The following GOLIM4 variants were observed in gnomAD, a reference collection of about 807,000 sequenced individuals.
GOLIM4 encodes golgi integral membrane protein 4.
A neutral mutation model predicts 107.4 loss-of-function variants in GOLIM4; 71 were observed. That is an observed-to-expected ratio of 0.66 (90% CI 0.55 to 0.81). The LOEUF is 0.81. Ranked by LOEUF, GOLIM4 falls within the 30% of genes least tolerant of loss-of-function variation. GOLIM4 has a pLI of 0.00. For missense variants in GOLIM4, 830 were observed against 826.1 expected (o/e 1.00, Z -0.06); for synonymous variants, 327 against 294.8 (o/e 1.11, Z -1.12).
chr3:168,048,392 T>A, intron 1 of GOLIM4, 27 bp from the exon 2 acceptor site: 1 of 1,103,782 alleles, frequency 9.1e-7, no homozygotes, highest in Middle Eastern at 2.2e-4. Context: ...CATTTTTGTC[T>A]TCAAAGAATT....
chr3:168,019,788 G>A (rs1011842725), intron 14 of GOLIM4, among the ~76,000 whole-genome samples: 1 of 152,106 alleles, frequency 6.6e-6, no homozygotes, highest in Non-Finnish European at 1.5e-5. Flanking sequence ...ACATCAGGAG[G>A]CACACACATT....
chr3:168,042,434 C>G (rs112557699), intron 5 of GOLIM4, among the ~76,000 whole-genome samples: 2 of 152,282 alleles, frequency 1.3e-5, no homozygotes, highest in East Asian at 1.9e-4. Flanking sequence ...GCATGTGCCA[C>G]GATGCCCGGC....
chr3:168,088,737 T>C (rs1258902323), intron 1 of GOLIM4, among the ~76,000 whole-genome samples: 1 of 152,246 alleles, frequency 6.6e-6, no homozygotes, highest in Non-Finnish European at 1.5e-5. Flanking sequence ...CTCCAATCCT[T>C]TGCTTTTTGA....
In GOLIM4 at chr3:168,024,965, T is replaced by C. The variant is rs1330126215; in HGVS notation, c.1754A>G (p.Gln585Arg). 3 of 1,614,066 alleles carry C rather than the reference T, an allele frequency of 1.9e-6. No individual in the cohort carries two copies. Among genetic ancestry groups the C allele is most frequent in the Admixed American group, 1.7e-5 (1 of 60,014 alleles). Residue 585 changes from glutamine to arginine, a missense_variant, in exon 13 of 16, where the codon CAA becomes CGA. Coordinates refer to ENST00000470487, the MANE Select transcript of GOLIM4 (RefSeq NM_014498.5). ...DENEEQKQSN[Q>R]KQENTEVEEH... ...CTCCACTTCTGTATTCTCTTGCTTT[T>C]GATTACTTTGTTTTTGCTCTTCATT... is the stretch of plus-strand genomic sequence containing the variant.
At chr3:168,035,966 G>A (rs538574464) in intron 8 of GOLIM4, among the ~76,000 whole-genome samples, 9 of 152,250 alleles carry the variant, frequency 5.9e-5, no homozygotes, top group Admixed American at 5.9e-4. Context: ...ATAAAAAGGT[G>A]TATTATTTGA....
rs1215248634 is a variant in GOLIM4 at position 168,095,679 on chromosome 3, C to T, written c.-394G>A. The stretch of plus-strand genomic sequence containing the variant: ...TTGGAGTCCCGCCCTGGCCACTCCC[C>T]GCCCTATCGCGGCGGCTCCCACTGC... On this transcript the variant is annotated 5_prime_UTR_variant, in exon 1 of 16. Transcript: ENST00000470487. 7 of 191,556 alleles carry T rather than the reference C, an allele frequency of 3.7e-5. 1 individual carries two copies. Among genetic ancestry groups the T allele is most frequent in the African/African-American group, 1.2e-4 (5 of 41,854 alleles). 11.9% of individuals were successfully genotyped at this position (191,556 alleles called of 1,614,324 possible).
chr3:168,093,620 T>C (rs1028690568), intron 1 of GOLIM4, among the ~76,000 whole-genome samples: 4 of 152,202 alleles, frequency 2.6e-5, no homozygotes, highest in African/African-American at 9.7e-5. Flanking sequence ...ACCTTGTAAA[T>C]AAATAAGTAA....
intron 9 of GOLIM4, among the ~76,000 whole-genome samples, chr3:168,031,724 A>G (rs1356812418): frequency 1.3e-5 from 2 of 152,208 alleles, no homozygotes; most frequent in Non-Finnish European, 2.9e-5. Context: ...TAAAGCCTCA[A>G]GCGGCTTGAA....
At chr3:168,050,949 A>C (rs1719607510) in intron 1 of GOLIM4, among the ~76,000 whole-genome samples, 1 of 151,892 alleles carries the variant, frequency 6.6e-6, no homozygotes, top group African/African-American at 2.4e-5. Context: ...ACTAAATATT[A>C]AACATTATTG....
chr3:168,050,872 A>T lies in GOLIM4; in HGVS notation c.188-2507T>A, dbSNP rs986118993. ...ATAATAATAATAATAATAATAATAA[A>T]ACCTAGCAGCATAGTCAAGAAAAAC... On this transcript the variant is annotated intron_variant, in intron 1 of 15. Coordinates refer to ENST00000470487, the MANE Select transcript of GOLIM4 (RefSeq NM_014498.5). Among the ~76,000 whole-genome samples the T allele has an allele frequency of 2.3e-5, 3 of 131,828 alleles. 1 individual carries two copies. The highest frequency in any genetic ancestry group is 4.7e-4 in the South Asian group (2 of 4,284). The allele number at this position is 131,828 out of a possible 152,430, so 86.5% of individuals were successfully genotyped here.
At chr3:168,052,506 A>G (rs974954922) in intron 1 of GOLIM4, among the ~76,000 whole-genome samples, 5 of 151,950 alleles carry the variant, frequency 3.3e-5, no homozygotes, top group African/African-American at 1.2e-4. Context: ...AAATAAAAGA[A>G]AAAGCAAATA....
At chr3:168,075,596 C>G (rs1387364282) in intron 1 of GOLIM4, among the ~76,000 whole-genome samples, 3 of 152,122 alleles carry the variant, frequency 2.0e-5, no homozygotes, top group Non-Finnish European at 4.4e-5. Context: ...TTTTATAGAG[C>G]CTTTAGAGCT....
In GOLIM4 at chr3:168,024,540, C is replaced by T; in HGVS notation, c.1846G>A (p.Glu616Lys). 1 of 1,612,330 alleles carries T rather than the reference C, an allele frequency of 6.2e-7. No individual in the cohort carries two copies. The highest frequency in any genetic ancestry group is 8.5e-7 in the Non-Finnish European group (1 of 1,178,346). The change falls in exon 14 of 16, where the codon GAG (glutamate) becomes AAG (lysine). Residue 616 changes from glutamate to lysine, a missense_variant. Transcript: ENST00000470487. ...ATCCTTACTACCTCCTCTTCTGCCT[C>T]TTCCTGGTACTGTTCATCAACATTG... ...EDNVDEQYQEEAEEEVQEDLT... is the reference protein window; with the variant it reads ...EDNVDEQYQEKAEEEVQEDLT...
rs1010117246 is a variant in GOLIM4, at chr3:168,078,082, T to C, written c.187+17017A>G. Among the ~76,000 whole-genome samples, 9 of 152,098 alleles carry C rather than the reference T, an allele frequency of 5.9e-5. 1 individual carries two copies. The highest frequency in any genetic ancestry group is 2.2e-4 in the African/African-American group (9 of 41,438). On this transcript the variant is annotated intron_variant, in intron 1 of 15. Transcript: ENST00000470487. ...GAATCTTGAATTTAAAAAATGTCACTAGGTACAACTTACTACTTTTGAATA... is the reference window on the plus strand; with the variant it reads ...GAATCTTGAATTTAAAAAATGTCACCAGGTACAACTTACTACTTTTGAATA...
intron 1 of GOLIM4, among the ~76,000 whole-genome samples, chr3:168,055,922 C>G (rs1217554930): frequency 6.6e-6 from 1 of 152,174 alleles, no homozygotes; most frequent in Non-Finnish European, 1.5e-5. Flanking sequence ...AAGAAAATCC[C>G]ATTTTCTGAA....
intron 1 of GOLIM4, among the ~76,000 whole-genome samples, chr3:168,049,720 G>A (rs1457124085): frequency 6.6e-6 from 1 of 152,096 alleles, no homozygotes; most frequent in East Asian, 1.9e-4. Flanking sequence ...CATCCCTGCA[G>A]CAATCCCTTG....
At position 168,027,917 on chromosome 3, in the gene GOLIM4, T is replaced by G. The variant is rs898207431; in HGVS notation, c.1514-80A>C. ...TTTCAACTCAAAGAAAAGCCACCAG[T>G]GGACTTTTCTACAGACTACAATACC... is the stretch of plus-strand genomic sequence containing the variant. On this transcript the variant is annotated intron_variant, in intron 11 of 15. Coordinates refer to ENST00000470487, the MANE Select transcript of GOLIM4 (RefSeq NM_014498.5). The G allele has an allele frequency of 3.5e-6, 3 of 852,338 alleles. No homozygotes were observed. The African/African-American group carries it at 5.0e-5, about 14-fold the overall frequency. The allele number at this position is 852,338 out of a possible 1,614,324, so 52.8% of individuals were successfully genotyped here.
rs941630707 is a variant in GOLIM4, at chr3:168,041,402, TGA to T, written c.588_589del (p.Gln197ArgfsTer7). Reference sequence around the variant, plus strand: ...TTGGTTTTCTTTTACCTTGACATCTTGAAGCTGTGTATGTATGTCTTGGTGTG... The same window carrying T: ...TTGGTTTTCTTTTACCTTGACATCTTAGCTGTGTATGTATGTCTTGGTGTG... On this transcript the variant is annotated frameshift_variant, in exon 6 of 16. Transcript: ENST00000470487. LOFTEE classifies it high-confidence loss of function. The T allele has an allele frequency of 1.5e-5, 23 of 1,576,926 alleles. No individual in the cohort carries two copies. The highest frequency in any genetic ancestry group is 2.7e-5 in the African/African-American group (2 of 74,214).
At chr3:168,016,654 A>G (rs1294874300) in intron 14 of GOLIM4, among the ~76,000 whole-genome samples, 27 of 133,930 alleles carry the variant, frequency 2.0e-4, no homozygotes, top group Admixed American at 1.9e-3. Flanking sequence ...AATGTCCAAC[A>G]ATGATAGACT....
Sources: allele counts gnomAD v4.1 joint callset (sites outside exome capture counted in the v4.1 genomes callset), GRCh38; gene constraint gnomAD v4.1.1; transcripts MANE v1.5; gene names NCBI Gene and HGNC (gene_info 2026-07-23, HGNC 2026-07-21).